Variants in DDX54 observed in about 807,000 individuals in gnomAD.
DDX54 encodes the protein DEAD-box helicase 54.
Under a neutral mutation model 105.5 loss-of-function variants are expected in DDX54, and 67 were observed. That is an observed-to-expected ratio of 0.64 (90% CI 0.52 to 0.78). The LOEUF (loss-of-function observed/expected upper bound fraction) is 0.78. DDX54 is among the 30% of genes least tolerant of loss of function. The pLI is 0.00. For missense variants in DDX54, 1,206 were observed against 1,230.5 expected (o/e 0.98, Z 0.30); for synonymous variants, 514 against 509.9 (o/e 1.01, Z -0.11).
At chr12:113,175,997 T>C (rs1364695616) in intron 7 of DDX54, among the ~76,000 whole-genome samples, 1 of 128,252 alleles carries the variant, frequency 7.8e-6, no homozygotes. Context: ...TTCCCCCACA[T>C]CCCCCTCCCC....
intron 5 of DDX54, among the ~76,000 whole-genome samples, chr12:113,177,980 T>TA (rs1367040293): frequency 6.6e-6 from 1 of 152,244 alleles, no homozygotes; most frequent in Non-Finnish European, 1.5e-5. Flanking sequence ...CTTACGCCTG[T>TA]AATCCCAACA....
In DDX54 at chr12:113,174,770, G is replaced by T; in HGVS notation, c.938C>A (p.Thr313Asn). The change falls in exon 10 of 20, where the codon ACC (threonine) becomes AAC (asparagine). Residue 313 changes from threonine to asparagine, a missense_variant and splice_region_variant. By Grantham distance (65) the Thr-to-Asn change is moderately conservative. This residue lies in a region of DDX54 where 961 missense variants were observed against 1,019.1 expected (regional missense o/e 0.94). Transcript: ENST00000306014. ...VDTKLNEQLKTSFFLVREDTK... is the reference protein window; with the variant it reads ...VDTKLNEQLKNSFFLVREDTK... Reference sequence around the variant, plus strand: ...GTCCTCCCGCACGAGGAAGAAGGAGGTCTGTGGGGAGAGGGCATCACGTGT... The same window carrying T: ...GTCCTCCCGCACGAGGAAGAAGGAGTTCTGTGGGGAGAGGGCATCACGTGT... 6.2e-7 allele frequency: 1 copy of T among 1,613,728 alleles called. No individual in the cohort carries two copies. Among genetic ancestry groups the T allele is most frequent in the South Asian group, 1.1e-5 (1 of 91,068 alleles).
chr12:113,162,153 A>G (rs867088305), intron 17 of DDX54, among the ~76,000 whole-genome samples, 156 bp from the exon 18 acceptor site: 1 of 152,048 alleles, frequency 6.6e-6, no homozygotes, highest in East Asian at 1.9e-4. Flanking sequence ...TTGGCGCTCA[A>G]TAAAGGCTTC....
rs746212525 is a variant in DDX54, at chr12:113,157,509, C to T, written c.*1368G>A. 42 of 989,804 alleles carry T rather than the reference C, an allele frequency of 4.2e-5. No homozygotes were observed. Among genetic ancestry groups the T allele is most frequent in the South Asian group, 5.6e-5 (4 of 71,150 alleles). 61.3% of individuals were successfully genotyped at this position (989,804 alleles called of 1,614,324 possible). ...TTTTAATGAGGGGATCTCCAGTCCC[C>T]GCCCTACCTTTCGGCCTCCCCCGCG... On this transcript the variant is annotated 3_prime_UTR_variant, in exon 20 of 20. Transcript: ENST00000306014.
At chr12:113,171,101 G>A (rs1241270818) in intron 11 of DDX54, among the ~76,000 whole-genome samples, 2 of 152,130 alleles carry the variant, frequency 1.3e-5, no homozygotes, top group African/African-American at 2.4e-5. Flanking sequence ...GGCGTCCTGG[G>A]GACCTCCCTA....
At chr12:113,160,732 T>C (rs532314005) in intron 19 of DDX54, among the ~76,000 whole-genome samples, 1 of 152,350 alleles carries the variant, frequency 6.6e-6, no homozygotes, top group African/African-American at 2.4e-5. Context: ...AAGCTGCTTC[T>C]GACTGCGTCT....
chr12:113,157,489 A>G lies in DDX54; in HGVS notation c.*1388T>C. The G allele has an allele frequency of 1.3e-6, 1 of 786,448 alleles. No homozygotes were observed. The highest frequency in any genetic ancestry group is 2.1e-6 in the Non-Finnish European group (1 of 475,412). 48.7% of individuals were successfully genotyped at this position (786,448 alleles called of 1,614,324 possible). ...AACCACCATCATCACTGTTCTTTTA[A>G]TGAGGGGATCTCCAGTCCCCGCCCT... On this transcript the variant is annotated 3_prime_UTR_variant, in exon 20 of 20. Coordinates refer to ENST00000306014, the MANE Select transcript of DDX54 (RefSeq NM_024072.4).
At position 113,174,655 on chromosome 12, in the gene DDX54, G is replaced by A. The variant is rs536375298; in HGVS notation, c.1053C>T (p.Ala351=). 1.2e-5 allele frequency: 19 copies of A among 1,611,210 alleles called. No individual in the cohort carries two copies. In the African/African-American group the frequency reaches 2.0e-4, roughly 17 times the overall value. Residue 351 remains alanine, a synonymous_variant, in exon 10 of 20, where the codon GCC becomes GCT. Coordinates refer to ENST00000306014, the MANE Select transcript of DDX54 (RefSeq NM_024072.4). Reference sequence around the variant, plus strand: ...CCCTGCTCACCTCAGTGAGGTACTCGGCGTGGTGCTTCGTGGCCACAAACA... The same window carrying A: ...CCCTGCTCACCTCAGTGAGGTACTCAGCGTGGTGCTTCGTGGCCACAAACA... ...TVVFVATKHH[A]EYLTELLTTQ...
In DDX54 at chr12:113,163,234, G is replaced by A. The variant is rs1260976119; in HGVS notation, c.1979C>T (p.Ser660Leu). ...CCTCTTGGCTCCCCTGTTGGGTCCT[G>A]ACCGCTGCCGCTTCCGGCCCACGAC... ...SEVVGRKRQRSGPNRGAKRRR... is the reference protein window; with the variant it reads ...SEVVGRKRQRLGPNRGAKRRR... The change falls in exon 16 of 20, where the codon TCA (serine) becomes TTA (leucine). Residue 660 changes from serine (S) to leucine (L), a missense_variant. Ser to Leu is a moderately radical substitution (Grantham distance 145, BLOSUM62 -2). This residue lies in a region of DDX54 where 961 missense variants were observed against 1,019.1 expected (regional missense o/e 0.94). Transcript: ENST00000306014. The surrounding 1 kb of genome is among the most constrained non-coding windows in gnomAD (Gnocchi z 5.9). 2 of 1,611,040 alleles carry A rather than the reference G, an allele frequency of 1.2e-6. No homozygotes were observed. The highest frequency in any genetic ancestry group is 1.7e-6 in the Non-Finnish European group (2 of 1,179,984).
At chr12:113,181,959 C>T (rs1279160347) in intron 1 of DDX54, among the ~76,000 whole-genome samples, 1 of 151,810 alleles carries the variant, frequency 6.6e-6, no homozygotes, top group African/African-American at 2.4e-5. Context: ...CCCAGACTAG[C>T]CTGGGCAACA....
Position 113,185,457 on chromosome 12 carries a change from C to T in DDX54, c.-6G>A, listed in dbSNP as rs1952520863. ...GGGCCCTTGTCGGCCGCCATTCGGGCCGCGCGCTGGGAACGCAGAAGGGGG... is the reference window on the plus strand; with the variant it reads ...GGGCCCTTGTCGGCCGCCATTCGGGTCGCGCGCTGGGAACGCAGAAGGGGG... On this transcript the variant is annotated 5_prime_UTR_variant, in exon 1 of 20. Transcript: ENST00000306014. 2.7e-6 allele frequency: 4 copies of T among 1,498,394 alleles called. No individual in the cohort carries two copies. Among genetic ancestry groups the T allele is most frequent in the Non-Finnish European group, 3.5e-6 (4 of 1,127,900 alleles). The allele number at this position is 1,498,394 out of a possible 1,614,324, so 92.8% of individuals were successfully genotyped here.
intron 5 of DDX54, 119 bp from the exon 6 acceptor site, chr12:113,177,212 G>C: frequency 8.1e-7 from 1 of 1,230,772 alleles, no homozygotes; most frequent in South Asian, 1.4e-5. Flanking sequence ...CCAAGGCTTG[G>C]AACTGAGGAA....
intron 19 of DDX54, among the ~76,000 whole-genome samples, chr12:113,160,989 G>A (rs1327536559): frequency 6.6e-6 from 1 of 152,102 alleles, no homozygotes; most frequent in African/African-American, 2.4e-5. Flanking sequence ...TGAAGTGGAA[G>A]GGGGTCGGGG....
chr12:113,173,453 T>G (rs773820306), intron 10 of DDX54, among the ~76,000 whole-genome samples: 6 of 152,136 alleles, frequency 3.9e-5, no homozygotes, highest in Non-Finnish European at 5.9e-5. Context: ...GTGGAGTAAG[T>G]GAAACCCAGT....
rs148882990 is a variant in DDX54, at chr12:113,172,422, T to C, written c.1210A>G (p.Ile404Val). 24 of 1,614,154 alleles carry C rather than the reference T, an allele frequency of 1.5e-5. No homozygotes were observed. The highest frequency in any genetic ancestry group is 1.9e-5 in the Non-Finnish European group (23 of 1,180,050). The change falls in exon 11 of 20, where the codon ATC becomes GTC. Residue 404 changes from isoleucine to valine, a missense_variant. Ile to Val is a conservative substitution (Grantham distance 29, BLOSUM62 3). Transcript: ENST00000306014. ...VTDLAARGLD[I>V]PLLDNVINYS... The stretch of plus-strand genomic sequence containing the variant: ...TTGATGACATTGTCCAGCAGCGGGA[T>C]GTCCAGGCCTCGGGCGGCCAGGTCA...
intron 1 of DDX54, among the ~76,000 whole-genome samples, chr12:113,184,182 G>C (rs962756864): frequency 1.3e-5 from 2 of 152,304 alleles, no homozygotes; most frequent in South Asian, 4.1e-4. Flanking sequence ...CCGACCTCAG[G>C]TGATCCGCCT....
Position 113,185,264 on chromosome 12 carries a change from C to G in DDX54, c.174+14G>C. The G allele has an allele frequency of 6.5e-7, 1 of 1,538,920 alleles. No homozygotes were observed. Among genetic ancestry groups the G allele is most frequent in the East Asian group, 2.4e-5 (1 of 41,552 alleles). The stretch of plus-strand genomic sequence containing the variant: ...TCTCGGGCCCGAACATGCGTCCCAG[C>G]CCCACGCGCCTACCTTCCGGGCCCG... On this transcript the variant is annotated intron_variant, in intron 1 of 19. Coordinates refer to ENST00000306014, the MANE Select transcript of DDX54 (RefSeq NM_024072.4).
At position 113,157,946 on chromosome 12, in the gene DDX54, A is replaced by T. The variant is rs1952153933; in HGVS notation, c.*931T>A. On this transcript the variant is annotated 3_prime_UTR_variant, in exon 20 of 20. Transcript: ENST00000306014. ...GCAACTGCCTCTAAAATGAGATCAG[A>T]CCAGGCCCTCCCTGCCAGGGTGGTT... 1.9e-6 allele frequency: 1 copy of T among 516,642 alleles called. No individual in the cohort carries two copies. Among genetic ancestry groups the T allele is most frequent in the Non-Finnish European group, 3.5e-6 (1 of 287,262 alleles). 32.0% of individuals were successfully genotyped at this position (516,642 alleles called of 1,614,324 possible).
intron 19 of DDX54, among the ~76,000 whole-genome samples, chr12:113,159,808 GTTCT>G (rs1423981474): frequency 6.6e-6 from 1 of 152,098 alleles, no homozygotes; most frequent in Non-Finnish European, 1.5e-5. Context: ...CATTCTTCTA[GTTCT>G]CCGGGAGGCA....
Sources: gnomAD v4.1 joint callset for allele counts (sites outside exome capture counted in the v4.1 genomes callset) on GRCh38, gnomAD v4.1.1 for gene constraint, gnomAD v4.1.1 regional missense constraint, Gnocchi (gnomAD v3.1) non-coding constraint, MANE v1.5 for transcripts, NCBI Gene and HGNC (gene_info 2026-07-23, HGNC 2026-07-21) for gene names.